Variants in SHB observed in about 807,000 individuals in gnomAD.
SHB encodes the protein SH2 domain containing adaptor protein B.
In SHB, 20 loss-of-function variants were observed where a neutral mutation model predicts 52.3. The observed-to-expected ratio is 0.38, with a 90% CI of 0.27 to 0.56. The LOEUF (loss-of-function observed/expected upper bound fraction) is 0.56, where lower values mean the gene tolerates loss of function less well. Ranked by LOEUF, SHB falls within the 20% of genes least tolerant of loss-of-function variation. SHB has a pLI of 0.71. For synonymous variants in SHB, 397 were observed against 316.5 expected (o/e 1.25, Z -2.70); for missense variants, 825 against 723.3 (o/e 1.14, Z -1.61).
intron 4 of SHB, among the ~76,000 whole-genome samples, chr9:37,953,185 G>A (rs957193852): frequency 2.6e-5 from 4 of 152,116 alleles, no homozygotes; most frequent in African/African-American, 9.7e-5. Context: ...TGGGGACCGG[G>A]GCAGAAAAAG....
intron 1 of SHB, among the ~76,000 whole-genome samples, chr9:38,032,224 C>T (rs1587254185): frequency 6.6e-6 from 1 of 152,198 alleles, no homozygotes; most frequent in African/African-American, 2.4e-5. Flanking sequence ...TCACGTACAT[C>T]ATCGTATTTC....
chr9:38,029,970 C>T (rs960422770), intron 1 of SHB, among the ~76,000 whole-genome samples: 19 of 152,358 alleles, frequency 1.2e-4, no homozygotes, highest in African/African-American at 4.6e-4. Flanking sequence ...CTCCCATATG[C>T]TTCAGCACAA....
chr9:37,964,733 T>C (rs10973624), intron 3 of SHB, among the ~76,000 whole-genome samples: 88,542 of 151,798 alleles, frequency 0.58, 26,096 homozygotes, highest in East Asian at 0.82. Context: ...AAAACAACCA[T>C]AGTAACCACA....
intron 5 of SHB, among the ~76,000 whole-genome samples, chr9:37,948,117 C>T (rs1309580013): frequency 6.6e-6 from 1 of 152,210 alleles, no homozygotes; most frequent in African/African-American, 2.4e-5. Flanking sequence ...TCCTCCTAGA[C>T]TTTGTGCAAC....
At chr9:37,995,676 G>A (rs1264056706) in intron 2 of SHB, among the ~76,000 whole-genome samples, 1 of 152,160 alleles carries the variant, frequency 6.6e-6, no homozygotes, top group Non-Finnish European at 1.5e-5. Flanking sequence ...AATATCAGAA[G>A]GAATATTAGG....
intron 1 of SHB, among the ~76,000 whole-genome samples, chr9:38,021,363 A>G (rs1041659232): frequency 1.4e-5 from 2 of 147,712 alleles, no homozygotes; most frequent in African/African-American, 2.5e-5. Context: ...TAAAATAAAA[A>G]AGAATGATGA....
intron 1 of SHB, among the ~76,000 whole-genome samples, chr9:38,030,102 G>T (rs1229427531): frequency 6.6e-6 from 1 of 152,186 alleles, no homozygotes; most frequent in Non-Finnish European, 1.5e-5. Context: ...TCCAGTGAGG[G>T]CATGACCAGC....
At chr9:38,005,237 T>C (rs1314658418) in intron 2 of SHB, among the ~76,000 whole-genome samples, 1 of 152,212 alleles carries the variant, frequency 6.6e-6, no homozygotes, top group Non-Finnish European at 1.5e-5. Context: ...GGCCCCTCTT[T>C]CGGTGCTTTA....
At chr9:38,059,126 G>C (rs1042903974) in intron 1 of SHB, among the ~76,000 whole-genome samples, 1 of 152,184 alleles carries the variant, frequency 6.6e-6, no homozygotes, top group African/African-American at 2.4e-5. Context: ...CTGAATGAAT[G>C]AATGAATGAA....
rs983365195 is a variant in SHB, at chr9:38,015,904, A to G, written c.838+107T>C. On this transcript the variant is annotated intron_variant, in intron 2 of 5. Coordinates refer to ENST00000377707, the MANE Select transcript of SHB (RefSeq NM_003028.3). ...CTCCCACCTACCAACTTGAAAGCAC[A>G]CACCATGCCCCCAGTGAGGCTGGTT... 2.7e-6 allele frequency: 3 copies of G among 1,099,298 alleles called. No homozygotes were observed. The African/African-American group carries it at 4.7e-5, about 17-fold the overall frequency. 68.1% of individuals were successfully genotyped at this position (1,099,298 alleles called of 1,614,324 possible).
At chr9:38,002,318 C>T (rs1821025062) in intron 2 of SHB, among the ~76,000 whole-genome samples, 1 of 152,176 alleles carries the variant, frequency 6.6e-6, no homozygotes, top group Non-Finnish European at 1.5e-5. Context: ...GAAATTTCTA[C>T]AAAGCCATAC....
At chr9:38,019,205 G>A (rs577837204) in intron 1 of SHB, among the ~76,000 whole-genome samples, 1 of 152,282 alleles carries the variant, frequency 6.6e-6, no homozygotes, top group African/African-American at 2.4e-5. Context: ...CGGCCTCTTG[G>A]GATGAGTGCT....
intron 3 of SHB, among the ~76,000 whole-genome samples, chr9:37,965,987 G>A (rs1215028146): frequency 6.6e-6 from 1 of 152,188 alleles, no homozygotes; most frequent in Admixed American, 6.5e-5. Flanking sequence ...CAGGATTCAG[G>A]AGACCTGGAC....
At chr9:37,938,371 G>A (rs1832398018) in intron 5 of SHB, among the ~76,000 whole-genome samples, 2 of 152,330 alleles carry the variant, frequency 1.3e-5, no homozygotes, top group South Asian at 4.1e-4. Flanking sequence ...TGTCCTCGTG[G>A]CCTTCCCTGC....
chr9:37,936,734 T>C (rs964139279), intron 5 of SHB: 1 of 152,112 alleles, frequency 6.6e-6, no homozygotes, highest in African/African-American at 2.4e-5. Flanking sequence ...AACTGGAAAA[T>C]CTGCTAGACA....
intron 5 of SHB, among the ~76,000 whole-genome samples, chr9:37,946,454 C>T (rs1179423961): frequency 6.6e-6 from 1 of 152,208 alleles, no homozygotes; most frequent in Non-Finnish European, 1.5e-5. Flanking sequence ...ATTACTTCTG[C>T]CACTGGGTCT....
rs1026561033 is a variant in SHB, at chr9:38,027,496, C to T, written c.718-11365G>A. Among the ~76,000 whole-genome samples the T allele has an allele frequency of 5.3e-5, 8 of 152,168 alleles. No individual in the cohort carries two copies. The East Asian group carries it at 1.5e-3, about 29-fold the overall frequency. ...CCTTTTAGTCTGGGGAACCCAGACACAGACCTTGAAGCAGGCACTAAAATG... is the reference window on the plus strand; with the variant it reads ...CCTTTTAGTCTGGGGAACCCAGACATAGACCTTGAAGCAGGCACTAAAATG... On this transcript the variant is annotated intron_variant, in intron 1 of 5. Coordinates refer to ENST00000377707, the MANE Select transcript of SHB (RefSeq NM_003028.3).
chr9:37,936,613 A>G (rs1283959749), intron 5 of SHB: 3 of 152,224 alleles, frequency 2.0e-5, no homozygotes, highest in Admixed American at 6.5e-5. Flanking sequence ...ATGACAAATC[A>G]TTTCACACTA....
intron 3 of SHB, among the ~76,000 whole-genome samples, chr9:37,958,373 G>A (rs578087927): frequency 6.6e-6 from 1 of 152,338 alleles, no homozygotes; most frequent in African/African-American, 2.4e-5. Flanking sequence ...GGTGACCACA[G>A]GCTGTTGACC....
Sources: allele counts gnomAD v4.1 joint callset (sites outside exome capture counted in the v4.1 genomes callset), GRCh38; gene constraint gnomAD v4.1.1; transcripts MANE v1.5; gene names NCBI Gene and HGNC (gene_info 2026-07-23, HGNC 2026-07-21).